Variants in PLPP1 observed in about 807,000 individuals in gnomAD.
PLPP1 encodes the protein phospholipid phosphatase 1, also known as lipid phosphate phosphohydrolase 1a.
Under a neutral mutation model 31.2 loss-of-function variants are expected in PLPP1, and 24 were observed. The ratio of observed to expected loss-of-function variants is 0.77; its 90% CI spans 0.56 to 1.08. The LOEUF is 1.08. PLPP1 is among the 50% of genes least tolerant of loss of function. The pLI, the probability that PLPP1 is intolerant of heterozygous loss-of-function variation, is 0.00. For missense variants in PLPP1, 319 were observed against 342.7 expected (o/e 0.93, Z 0.55); for synonymous variants, 146 against 126.3 (o/e 1.16, Z -1.05).
chr5:55,475,451 C>A lies in PLPP1; in HGVS notation c.59-1G>T. ...GTAAGAATTGCAAAAGGCAATCCAG[C>A]TAGCAAAAGGGAATAAATGAAAATA... On this transcript the variant is annotated splice_acceptor_variant, in intron 1 of 5. Transcript: ENST00000307259. LOFTEE classifies it high-confidence loss of function. 1 of 1,586,778 alleles carries A rather than the reference C, an allele frequency of 6.3e-7. No individual in the cohort carries two copies. Among genetic ancestry groups the A allele is most frequent in the Non-Finnish European group, 8.5e-7 (1 of 1,170,032 alleles).
At chr5:55,452,818 G>C (rs1751921735) in intron 3 of PLPP1, among the ~76,000 whole-genome samples, 1 of 152,140 alleles carries the variant, frequency 6.6e-6, no homozygotes, top group Non-Finnish European at 1.5e-5. Context: ...TGGGCAGGCT[G>C]GGTAGAATAA....
In PLPP1 at chr5:55,426,047, A is replaced by G; in HGVS notation, c.550-8T>C. 1 of 1,572,436 alleles carries G rather than the reference A, an allele frequency of 6.4e-7. No individual in the cohort carries two copies. The highest frequency in any genetic ancestry group is 8.6e-7 in the Non-Finnish European group (1 of 1,166,330). ...CCTGGCTTGAAGATAAAGCTAAAAG[A>G]AAAGAATAAAGAAAAAAATAGTTTA... On this transcript the variant is annotated splice_polypyrimidine_tract_variant and splice_region_variant and intron_variant, in intron 4 of 5. Transcript: ENST00000307259.
intron 1 of PLPP1, among the ~76,000 whole-genome samples, chr5:55,476,381 G>A (rs1354385894): frequency 2.0e-5 from 3 of 152,070 alleles, no homozygotes; most frequent in African/African-American, 2.4e-5. Context: ...AACAGAGAGC[G>A]CTGTTTTTAT....
At position 55,435,294 on chromosome 5, in the gene PLPP1, T is replaced by C. The variant is rs78236483; in HGVS notation, c.549+6557A>G. Among the ~76,000 whole-genome samples, 8 of 152,194 alleles carry C rather than the reference T, an allele frequency of 5.3e-5. No homozygotes were observed. In the East Asian group the frequency reaches 1.5e-3, roughly 29 times the overall value. ...CTCTTCTACACTGCTGCTCGGAATA[T>C]AAATTAGTCCAGCCACCAGAGAAAT... On this transcript the variant is annotated intron_variant, in intron 4 of 5. Transcript: ENST00000307259.
At chr5:55,454,221 T>C (rs1450338128) in intron 3 of PLPP1, among the ~76,000 whole-genome samples, 1 of 152,124 alleles carries the variant, frequency 6.6e-6, no homozygotes, top group East Asian at 1.9e-4. Flanking sequence ...GAAAAAATAA[T>C]TGATTAACAT....
Position 55,468,035 on chromosome 5 carries a change from C to T in PLPP1, c.325G>A (p.Ala109Thr). 6.2e-7 allele frequency: 1 copy of T among 1,614,116 alleles called. No individual in the cohort carries two copies. The highest frequency in any genetic ancestry group is 8.5e-7 in the Non-Finnish European group (1 of 1,180,012). ...TCAGTCAGGGACTGACTAGCAGCTG[C>T]ACCAAATAAAAAGGTTCCAATGGCT... The part of the protein sequence containing the change: ...YKAIGTFLFG[A>T]AASQSLTDIA... The change falls in exon 3 of 6, where the codon GCA becomes ACA. Residue 109 changes from alanine to threonine, a missense_variant. Coordinates refer to ENST00000307259, the MANE Select transcript of PLPP1 (RefSeq NM_003711.4).
At chr5:55,494,489 T>C (rs1752963638) in intron 1 of PLPP1, among the ~76,000 whole-genome samples, 1 of 152,154 alleles carries the variant, frequency 6.6e-6, no homozygotes, top group South Asian at 2.1e-4. Flanking sequence ...ACACTGCCTT[T>C]GGGGCAATCT....
rs138218394 is a variant in PLPP1, at chr5:55,432,963, C to G, written c.550-6924G>C. Among the ~76,000 whole-genome samples the G allele has an allele frequency of 5.5e-4, 83 of 152,090 alleles. No individual in the cohort carries two copies. In the East Asian group the frequency reaches 0.012, roughly 22 times the overall value. On this transcript the variant is annotated intron_variant, in intron 4 of 5. Coordinates refer to ENST00000307259, the MANE Select transcript of PLPP1 (RefSeq NM_003711.4). ...AAGACAAGGATGCCTACTTTGACCCCTCCTATTCAGCATAGCAGTGAAGAC... is the reference window on the plus strand; with the variant it reads ...AAGACAAGGATGCCTACTTTGACCCGTCCTATTCAGCATAGCAGTGAAGAC...
chr5:55,453,009 G>C (rs1453731569), intron 3 of PLPP1, among the ~76,000 whole-genome samples: 1 of 130,510 alleles, frequency 7.7e-6, no homozygotes, highest in African/African-American at 2.8e-5. Flanking sequence ...ATCGAACATA[G>C]AGTAGGTATT....
intron 1 of PLPP1, among the ~76,000 whole-genome samples, chr5:55,477,164 G>A (rs1752568552): frequency 6.6e-6 from 1 of 152,080 alleles, no homozygotes; most frequent in South Asian, 2.1e-4. Flanking sequence ...GGGTAAAATG[G>A]CCAAGTTTTC....
chr5:55,427,262 A>G (rs1579913091), intron 4 of PLPP1, among the ~76,000 whole-genome samples: 2 of 152,310 alleles, frequency 1.3e-5, no homozygotes, highest in African/African-American at 4.8e-5. Context: ...AAAATAGATG[A>G]CACAAATCCA....
intron 3 of PLPP1, among the ~76,000 whole-genome samples, chr5:55,443,190 A>AT (rs1458750100): frequency 1.6e-3 from 32 of 20,424 alleles, no homozygotes; most frequent in South Asian, 3.4e-3. Flanking sequence ...AAAAAAAAAA[A>AT]AAATATATAT....
intron 2 of PLPP1, among the ~76,000 whole-genome samples, chr5:55,472,708 G>GAC (rs1752444156): frequency 6.6e-6 from 1 of 150,768 alleles, no homozygotes; most frequent in Admixed American, 6.6e-5. Context: ...GAGAGAAAAA[G>GAC]AGAAAGAGAG....
intron 4 of PLPP1, among the ~76,000 whole-genome samples, chr5:55,428,293 A>T (rs1010792071): frequency 2.0e-5 from 3 of 152,232 alleles, no homozygotes; most frequent in Non-Finnish European, 4.4e-5. Flanking sequence ...AGTGACAAAC[A>T]GGCATGGCCT....
intron 3 of PLPP1, among the ~76,000 whole-genome samples, chr5:55,456,520 ATAAGT>A (rs984230787): frequency 1.3e-5 from 2 of 152,220 alleles, no homozygotes; most frequent in African/African-American, 4.8e-5. Context: ...GTAGAGATAC[ATAAGT>A]TAAAAGAGCA....
intron 1 of PLPP1, among the ~76,000 whole-genome samples, chr5:55,526,069 ACTT>A (rs1292262331): frequency 3.3e-5 from 5 of 152,036 alleles, no homozygotes; most frequent in Non-Finnish European, 5.9e-5. Flanking sequence ...TTTGCTGCCA[ACTT>A]CTTTTTTTAA....
intron 1 of PLPP1, among the ~76,000 whole-genome samples, chr5:55,480,967 C>T (rs1226895302): frequency 6.6e-6 from 1 of 152,190 alleles, no homozygotes; most frequent in Admixed American, 6.5e-5. Flanking sequence ...TAAACTCATA[C>T]TCAGCTATAA....
In PLPP1 at chr5:55,436,959, T is replaced by TAAGG. The variant is rs1180837238; in HGVS notation, c.549+4891_549+4892insCCTT. On this transcript the variant is annotated intron_variant, in intron 4 of 5. Transcript: ENST00000307259. ...GGTTAACCCTCATGAAAGGGATTAATGACCTAATAAGAGATCCAGGGGAGC... is the reference window on the plus strand; with the variant it reads ...GGTTAACCCTCATGAAAGGGATTAATAAGGGACCTAATAAGAGATCCAGGGGAGC... Among the ~76,000 whole-genome samples, 3 of 152,318 alleles carry TAAGG rather than the reference T, an allele frequency of 2.0e-5. No homozygotes were observed. In the East Asian group the frequency reaches 5.8e-4, roughly 29 times the overall value.
chr5:55,484,146 T>G (rs1342251928), intron 1 of PLPP1, among the ~76,000 whole-genome samples: 2 of 152,158 alleles, frequency 1.3e-5, no homozygotes, highest in Non-Finnish European at 2.9e-5. Context: ...AAAGTCCTGC[T>G]AAGTCAGCTA....
Sources: allele counts gnomAD v4.1 joint callset (sites outside exome capture counted in the v4.1 genomes callset), GRCh38; gene constraint gnomAD v4.1.1; transcripts MANE v1.5; gene names NCBI Gene and HGNC (gene_info 2026-07-23, HGNC 2026-07-21).